COL6A6: variants seen among roughly 807,000 people sequenced by gnomAD.
COL6A6 encodes collagen type VI alpha 6 chain.
COL6A6 carries 183 observed loss-of-function variants against 208.6 expected under a neutral mutation model. The observed-to-expected ratio is 0.88, with a 90% CI of 0.78 to 0.99. COL6A6 has a LOEUF of 0.99. Ranked by LOEUF, COL6A6 falls within the 50% of genes least tolerant of loss-of-function variation. COL6A6 has a pLI of 0.00. For synonymous variants in COL6A6, 973 were observed against 1,011.8 expected, an observed-to-expected ratio of 0.96 and a Z score of 0.73; for missense variants, 2,816 against 2,815.2, an observed-to-expected ratio of 1.00 and a Z score of -0.01.
rs185949454 is a variant in COL6A6 at position 130,617,308 on chromosome 3, A to G, written c.4816-4513A>G. The stretch of plus-strand genomic sequence containing the variant: ...AGACTCATACAAACAAACAATTGAC[A>G]TGTGACCTGCTGAATGTTAAAAGAG... On this transcript the variant is annotated intron_variant, in intron 23 of 36. Coordinates refer to ENST00000358511, the MANE Select transcript of COL6A6 (RefSeq NM_001102608.3). Among the ~76,000 whole-genome samples, 259 of 152,320 alleles carry G rather than the reference A, an allele frequency of 1.7e-3. 1 individual carries two copies. The highest frequency in any genetic ancestry group is 1.8e-3 in the Non-Finnish European group (125 of 68,008).
chr3:130,565,073 T>A lies in COL6A6; in HGVS notation c.741T>A (p.Tyr247Ter). 1.9e-6 allele frequency: 3 copies of A among 1,614,004 alleles called. No homozygotes were observed. The highest frequency in any genetic ancestry group is 2.5e-6 in the Non-Finnish European group (3 of 1,179,872). Residue 247 changes from tyrosine to a stop codon, truncating the protein, a stop_gained, in exon 4 of 37, where the codon TAT becomes TAA. Coordinates refer to ENST00000358511, the MANE Select transcript of COL6A6 (RefSeq NM_001102608.3). LOFTEE classifies it high-confidence loss of function. ...SINGSEENFD[Y>*]LKGFLEESVS... is the part of the protein sequence containing the mutation. The stretch of plus-strand genomic sequence containing the variant: ...ATGGAAGTGAGGAGAACTTTGACTA[T>A]CTTAAAGGATTCTTGGAAGAAAGTG...
chr3:130,599,752 G>A lies in COL6A6; in HGVS notation c.4600-5G>A. 1 of 1,613,640 alleles carries A rather than the reference G, an allele frequency of 6.2e-7. No homozygotes were observed. On this transcript the variant is annotated splice_region_variant and splice_polypyrimidine_tract_variant and intron_variant, in intron 19 of 36. Transcript: ENST00000358511. ...CCGTCACACATCTGTCTGTTCCTTT[G>A]ACAGGGCAGAAGAGGCTGGCCAGGC...
At chr3:130,570,723 G>T in intron 6 of COL6A6, 95 bp from the exon 7 acceptor site, 1 of 893,758 alleles carries the variant, frequency 1.1e-6, no homozygotes, top group Non-Finnish European at 1.7e-6. Flanking sequence ...GATCCCCTTG[G>T]AGAGAAAACA....
chr3:130,539,396 G>A (rs2062302322), intron 1 of COL6A6, among the ~76,000 whole-genome samples: 2 of 152,214 alleles, frequency 1.3e-5, no homozygotes, highest in African/African-American at 4.8e-5. Flanking sequence ...AGCACTTCGG[G>A]AGGCCGAGGC....
In COL6A6 at chr3:130,568,184, A is replaced by T; in HGVS notation, c.1981A>T (p.Ile661Phe). The T allele has an allele frequency of 6.2e-7, 1 of 1,613,998 alleles. No individual in the cohort carries two copies. Among genetic ancestry groups the T allele is most frequent in the Non-Finnish European group, 8.5e-7 (1 of 1,179,888 alleles). The change falls in exon 6 of 37, where the codon ATT becomes TTT. Residue 661 changes from isoleucine (I) to phenylalanine (F), a missense_variant. By Grantham distance (21) the Ile-to-Phe change is conservative (BLOSUM62 0). Coordinates refer to ENST00000358511, the MANE Select transcript of COL6A6 (RefSeq NM_001102608.3). ...KSQIGPDRVQ[I>F]GVVQFSDINK... ...TCAGATTGGACCAGATCGGGTGCAA[A>T]TTGGTGTAGTCCAGTTCAGCGACAT...
chr3:130,671,777 A>G (rs1244967526), intron 36 of COL6A6, among the ~76,000 whole-genome samples: 1 of 152,196 alleles, frequency 6.6e-6, no homozygotes, highest in African/African-American at 2.4e-5. Flanking sequence ...AAAAGGAAGG[A>G]GCTGAATCAA....
At chr3:130,664,244 G>T (rs1412212837) in intron 35 of COL6A6, among the ~76,000 whole-genome samples, 1 of 152,126 alleles carries the variant, frequency 6.6e-6, no homozygotes, top group Non-Finnish European at 1.5e-5. Context: ...TAAAAATCAG[G>T]TGCACAATAA....
intron 20 of COL6A6, 126 bp from the exon 21 acceptor site, chr3:130,606,802 TGAA>T (rs2064195309): frequency 3.3e-6 from 2 of 604,638 alleles, no homozygotes; most frequent in Non-Finnish European, 5.5e-6. Flanking sequence ...AGTGGAAAAT[TGAA>T]TGTTGTAAGC....
At chr3:130,589,294 A>G in intron 12 of COL6A6, 112 bp downstream of exon 12, 1 of 664,024 alleles carries the variant, frequency 1.5e-6, no homozygotes, top group African/African-American at 1.8e-5. Flanking sequence ...CCTCTTATAT[A>G]AGAGTTTATT....
At chr3:130,547,696 G>C (rs1333028978) in intron 1 of COL6A6, among the ~76,000 whole-genome samples, 1 of 152,156 alleles carries the variant, frequency 6.6e-6, no homozygotes, top group Non-Finnish European at 1.5e-5. Flanking sequence ...ATTTCTTTTG[G>C]GTTCTTAGAA....
chr3:130,640,602 C>G (rs1345694808), intron 28 of COL6A6, among the ~76,000 whole-genome samples: 1 of 152,150 alleles, frequency 6.6e-6, no homozygotes, highest in Non-Finnish European at 1.5e-5. Context: ...TGATTTTAAA[C>G]TTCATTTTTT....
intron 36 of COL6A6, 114 bp downstream of exon 36, chr3:130,665,210 C>A: frequency 1.6e-6 from 1 of 626,372 alleles, no homozygotes; most frequent in Non-Finnish European, 2.8e-6. Context: ...GGACAAAAAT[C>A]TATTGCTACA....
intron 21 of COL6A6, 140 bp from the exon 22 acceptor site, chr3:130,608,762 C>CTTTTTTTTTTTTTTTTTTTTT: frequency 2.1e-6 from 1 of 468,152 alleles, no homozygotes; most frequent in East Asian, 3.5e-5. Context: ...TTATTTTTCA[C>CTTTTTTTTTTTTTTTTTTTTT]CTTTTTTTTT....
intron 22 of COL6A6, among the ~76,000 whole-genome samples, chr3:130,609,410 C>T (rs1486726368): frequency 6.6e-6 from 1 of 152,168 alleles, no homozygotes. Context: ...ATCTGCAGTG[C>T]AGCACTCAGC....
At chr3:130,542,820 C>A (rs1178700518) in intron 1 of COL6A6, among the ~76,000 whole-genome samples, 2 of 150,288 alleles carry the variant, frequency 1.3e-5, no homozygotes, top group African/African-American at 2.5e-5. Flanking sequence ...GAAGTTTGAT[C>A]TGTCTGAAAT....
intron 33 of COL6A6, among the ~76,000 whole-genome samples, chr3:130,650,097 T>G (rs1278793110): frequency 6.6e-6 from 1 of 152,216 alleles, no homozygotes; most frequent in Non-Finnish European, 1.5e-5. Flanking sequence ...GAGTAAAATC[T>G]CAAATGTGTT....
At chr3:130,573,763 G>C (rs879682009) in intron 7 of COL6A6, among the ~76,000 whole-genome samples, 193 bp from the exon 8 acceptor site, 3 of 151,614 alleles carry the variant, frequency 2.0e-5, no homozygotes, top group Non-Finnish European at 4.4e-5. Flanking sequence ...TTGATCCTGG[G>C]TTTCACCATG....
chr3:130,675,310 T>C lies in COL6A6; in HGVS notation c.6705T>C (p.Asp2235=). The change falls in exon 37 of 37, where the codon GAT becomes GAC. Residue 2235 remains aspartate (D), a synonymous_variant. Coordinates refer to ENST00000358511, the MANE Select transcript of COL6A6 (RefSeq NM_001102608.3). ...YLSRVARSGR[D]DAIQNFMRST... ...CAAGAGTAGCAAGAAGTGGCAGAGATGATGCTATTCAAAATTTTATGAGAA... is the reference window on the plus strand; with the variant it reads ...CAAGAGTAGCAAGAAGTGGCAGAGACGATGCTATTCAAAATTTTATGAGAA... 1 of 1,596,952 alleles carries C rather than the reference T, an allele frequency of 6.3e-7. No individual in the cohort carries two copies. The highest frequency in any genetic ancestry group is 8.5e-7 in the Non-Finnish European group (1 of 1,170,822).
intron 1 of COL6A6, among the ~76,000 whole-genome samples, chr3:130,548,469 T>C (rs762227921): frequency 2.2e-4 from 33 of 151,944 alleles, no homozygotes; most frequent in Non-Finnish European, 1.3e-4. Flanking sequence ...CTAAAGGGGG[T>C]TGGAGTTGGA....
Sources: allele counts gnomAD v4.1 joint callset (sites outside exome capture counted in the v4.1 genomes callset), GRCh38; gene constraint gnomAD v4.1.1; transcripts MANE v1.5; gene names NCBI Gene and HGNC (gene_info 2026-07-23, HGNC 2026-07-21).